The following MICAL3 variants were observed in gnomAD, a reference collection of about 807,000 sequenced individuals.
MICAL3 encodes microtubule associated monooxygenase, calponin and LIM domain containing 3.
A neutral mutation model predicts 207.4 loss-of-function variants in MICAL3; 62 were observed. That is an observed-to-expected ratio of 0.30 (90% CI 0.24 to 0.37). MICAL3 has a LOEUF of 0.37. MICAL3 is among the 10% of genes least tolerant of loss of function. MICAL3 has a pLI of 1.00. For missense variants in MICAL3, 2,368 were observed against 2,635.6 expected, an observed-to-expected ratio of 0.90 and a Z score of 2.22; for synonymous variants, 1,077 against 1,069.3, an observed-to-expected ratio of 1.01 and a Z score of -0.14.
At chr22:17,828,093 G>A (rs1922399946) in intron 21 of MICAL3, among the ~76,000 whole-genome samples, 1 of 152,168 alleles carries the variant, frequency 6.6e-6, no homozygotes, top group Admixed American at 6.5e-5. Context: ...ATCCTGAGCT[G>A]CATTCAGGGG....
chr22:17,834,322 C>T, intron 20 of MICAL3: 1 of 1,191,312 alleles, frequency 8.4e-7, no homozygotes, highest in South Asian at 1.5e-5. Context: ...AGTGAATCAG[C>T]TTCACTTGTT....
intron 19 of MICAL3, 64 bp downstream of exon 19, chr22:17,864,834 CT>C (rs1926904628): frequency 6.2e-7 from 1 of 1,613,758 alleles, no homozygotes; most frequent in Non-Finnish European, 8.5e-7. Flanking sequence ...GGCTCATGCC[CT>C]TGGCCTTGTC....
At chr22:17,876,691 C>T (rs935156405) in intron 16 of MICAL3, 2 of 136,974 alleles carry the variant, frequency 1.5e-5, no homozygotes, top group Middle Eastern at 3.6e-3. Flanking sequence ...GGCAAGTACA[C>T]ATGCAGGGTT....
At position 17,906,835 on chromosome 22, in the gene MICAL3, C is replaced by T. The variant is rs1602194177; in HGVS notation, c.-23G>A. The T allele has an allele frequency of 6.4e-7, 1 of 1,554,844 alleles. No individual in the cohort carries two copies. Among genetic ancestry groups the T allele is most frequent in the East Asian group, 2.3e-5 (1 of 44,198 alleles). On this transcript the variant is annotated 5_prime_UTR_variant, in exon 2 of 32. Coordinates refer to ENST00000441493, the MANE Select transcript of MICAL3 (RefSeq NM_015241.3). ...CATGCTGCCTCACTCTCAGCACTCC[C>T]CAGAGGGGGAGGTGGGATGGCTGTG... is the stretch of plus-strand genomic sequence containing the variant.
intron 1 of MICAL3, among the ~76,000 whole-genome samples, chr22:17,988,686 G>C (rs1921314884): frequency 6.6e-6 from 1 of 152,156 alleles, no homozygotes; most frequent in South Asian, 2.1e-4. Flanking sequence ...TTGAACTCCT[G>C]ACCTCGTAAT....
chr22:17,830,111 C>T (rs1222214267), intron 21 of MICAL3, among the ~76,000 whole-genome samples: 1 of 152,116 alleles, frequency 6.6e-6, no homozygotes, highest in Admixed American at 6.5e-5. Flanking sequence ...GTACCTGGCG[C>T]CACTGGCCTT....
intron 19 of MICAL3, among the ~76,000 whole-genome samples, chr22:17,857,210 G>T (rs955496189): frequency 1.3e-5 from 2 of 152,186 alleles, no homozygotes; most frequent in South Asian, 4.1e-4. Flanking sequence ...GAACCAGGCC[G>T]CATAGCAGGA....
chr22:17,818,703 G>A lies in MICAL3; in HGVS notation c.3958C>T (p.Arg1320Trp), dbSNP rs768258471. 1.1e-5 allele frequency: 17 copies of A among 1,613,664 alleles called. No individual in the cohort carries two copies. The highest frequency in any genetic ancestry group is 1.3e-5 in the African/African-American group (1 of 75,062). ...SPLAVDEALR[R>W]SDLVEEFWMK... ...CAGAACTCCTCCACCAGGTCGCTCCGTCTGAGGGCCTCATCCACAGCAAGG... is the reference window on the plus strand; with the variant it reads ...CAGAACTCCTCCACCAGGTCGCTCCATCTGAGGGCCTCATCCACAGCAAGG... Residue 1320 changes from arginine (R) to tryptophan (W), a missense_variant, in exon 26 of 32, where the codon CGG (arginine) becomes TGG (tryptophan). Coordinates refer to ENST00000441493, the MANE Select transcript of MICAL3 (RefSeq NM_015241.3).
intron 1 of MICAL3, among the ~76,000 whole-genome samples, chr22:17,985,225 G>A (rs1033912562): frequency 1.3e-5 from 2 of 152,176 alleles, no homozygotes; most frequent in Non-Finnish European, 2.9e-5. Flanking sequence ...TCCGGCCAGG[G>A]AGGGGACAGC....
intron 10 of MICAL3, 85 bp from the exon 11 acceptor site, chr22:17,893,989 A>G (rs937018251): frequency 3.1e-6 from 3 of 978,144 alleles, no homozygotes; most frequent in East Asian, 5.2e-5. Context: ...GGCTGAAAGG[A>G]AAGTCTGGGA....
At chr22:17,800,118 G>T (rs1024355427) in intron 29 of MICAL3, among the ~76,000 whole-genome samples, 1 of 152,150 alleles carries the variant, frequency 6.6e-6, no homozygotes, top group South Asian at 2.1e-4. Context: ...CGGCTGCTCA[G>T]AAGGGCAGGG....
intron 1 of MICAL3, among the ~76,000 whole-genome samples, chr22:17,947,017 A>C (rs77443445): frequency 3.7e-4 from 57 of 152,340 alleles, no homozygotes; most frequent in African/African-American, 1.3e-3. Flanking sequence ...TTTGGACAAA[A>C]AGTGGGAGGG....
intron 29 of MICAL3, among the ~76,000 whole-genome samples, chr22:17,801,616 G>A (rs999432423): frequency 1.3e-5 from 2 of 151,626 alleles, no homozygotes; most frequent in African/African-American, 4.8e-5. Context: ...GATGCGGGCT[G>A]GGCGCGGTGG....
intron 16 of MICAL3, among the ~76,000 whole-genome samples, chr22:17,873,077 C>T (rs182743422): frequency 3.8e-4 from 58 of 152,332 alleles, no homozygotes; most frequent in Admixed American, 3.8e-3. Context: ...ACAGGCAGGA[C>T]GGCTGCAGGG....
At chr22:17,897,671 A>G (rs1034706872) in intron 7 of MICAL3, among the ~76,000 whole-genome samples, 1 of 152,166 alleles carries the variant, frequency 6.6e-6, no homozygotes, top group Non-Finnish European at 1.5e-5. Flanking sequence ...GGACCACGTG[A>G]AACACTCAGC....
chr22:17,976,960 C>T (rs1019002493), intron 1 of MICAL3, among the ~76,000 whole-genome samples: 1 of 152,152 alleles, frequency 6.6e-6, no homozygotes, highest in Admixed American at 6.5e-5. Context: ...GCGCCCGCCA[C>T]CATGCCCGGC....
intron 28 of MICAL3, 94 bp downstream of exon 28, chr22:17,810,609 C>G: frequency 9.7e-7 from 1 of 1,032,540 alleles, no homozygotes; most frequent in South Asian, 1.3e-5. Flanking sequence ...CTGCTCTGCA[C>G]TGTGCTTGTG....
At position 17,992,948 on chromosome 22, in the gene MICAL3, C is replaced by T. The variant is rs548087936; in HGVS notation, c.-75+31333G>A. Among the ~76,000 whole-genome samples, 9 of 152,218 alleles carry T rather than the reference C, an allele frequency of 5.9e-5. No individual in the cohort carries two copies. In the South Asian group the frequency reaches 1.0e-3, roughly 18 times the overall value. ...TGTGCGCAGTCTGGCCACGGTAAGG[C>T]GAAGCGATCACTGTTATGACTTTCT... On this transcript the variant is annotated intron_variant, in intron 1 of 31. Coordinates refer to ENST00000441493, the MANE Select transcript of MICAL3 (RefSeq NM_015241.3).
In MICAL3 at chr22:17,800,972, G is replaced by A. The variant is rs563057324; in HGVS notation, c.5650+7872C>T. On this transcript the variant is annotated intron_variant, in intron 29 of 31. Coordinates refer to ENST00000441493, the MANE Select transcript of MICAL3 (RefSeq NM_015241.3). ...CAAGAGACTCCCTGCAGTGGGGAACGTCCCCTTCAAGCAGCAGCCCCCACG... is the reference window on the plus strand; with the variant it reads ...CAAGAGACTCCCTGCAGTGGGGAACATCCCCTTCAAGCAGCAGCCCCCACG... Among the ~76,000 whole-genome samples, 98 of 152,210 alleles carry A rather than the reference G, an allele frequency of 6.4e-4. 2 individuals carry two copies. The highest frequency in any genetic ancestry group is 1.2e-3 in the Non-Finnish European group (79 of 67,990).
Sources: allele counts gnomAD v4.1 joint callset (sites outside exome capture counted in the v4.1 genomes callset), GRCh38; gene constraint gnomAD v4.1.1; transcripts MANE v1.5; gene names NCBI Gene and HGNC (gene_info 2026-07-23, HGNC 2026-07-21).